The following SAMD12 variants were observed in gnomAD, a reference collection of about 807,000 sequenced individuals.
SAMD12 encodes sterile alpha motif domain-containing protein 12.
A neutral mutation model predicts 15.0 loss-of-function variants in SAMD12; 9 were observed. That is an observed-to-expected ratio of 0.60 (90% CI 0.36 to 1.05). The LOEUF is 1.05. Ranked by LOEUF, SAMD12 falls within the 50% of genes least tolerant of loss-of-function variation. SAMD12 has a pLI of 0.01. For synonymous variants in SAMD12, 86 were observed against 90.1 expected (o/e 0.96, Z 0.25); for missense variants, 230 against 234.2 (o/e 0.98, Z 0.12).
chr8:118,298,767 T>C (rs184446790), intron 4 of SAMD12, among the ~76,000 whole-genome samples: 1 of 152,266 alleles, frequency 6.6e-6, no homozygotes, highest in Admixed American at 6.5e-5. Context: ...AGCATAAATG[T>C]ACAATAGAGT....
chr8:118,602,749 CCCCA>C (rs1381122425), intron 1 of SAMD12, among the ~76,000 whole-genome samples: 4 of 152,148 alleles, frequency 2.6e-5, no homozygotes, highest in Non-Finnish European at 5.9e-5. Context: ...GATCAACAAG[CCCCA>C]TTCATACCTA....
chr8:118,311,600 C>T (rs7827637), intron 4 of SAMD12, among the ~76,000 whole-genome samples: 47,002 of 152,100 alleles, frequency 0.31, 8,137 homozygotes, highest in African/African-American at 0.47. Context: ...GAAAACAAGA[C>T]ATAAATTCTG....
At chr8:118,204,884 G>A (rs17507334) in intron 4 of SAMD12, among the ~76,000 whole-genome samples, 1 of 152,180 alleles carries the variant, frequency 6.6e-6, no homozygotes, top group East Asian at 1.9e-4. Context: ...TCCCATTATC[G>A]TTAGTAAACT....
intron 2 of SAMD12, among the ~76,000 whole-genome samples, chr8:118,495,704 T>C (rs1292704016): frequency 6.6e-6 from 1 of 152,160 alleles, no homozygotes; most frequent in Admixed American, 6.5e-5. Context: ...TGGATAATAA[T>C]AGCACTTACC....
At chr8:118,211,104 G>A (rs17451984) in intron 4 of SAMD12, among the ~76,000 whole-genome samples, 1 of 152,080 alleles carries the variant, frequency 6.6e-6, no homozygotes, top group Non-Finnish European at 1.5e-5. Context: ...GCAGAAGGGA[G>A]GGGGAGGAGC....
chr8:118,556,422 A>G (rs146931995), intron 2 of SAMD12, among the ~76,000 whole-genome samples: 58 of 152,306 alleles, frequency 3.8e-4, no homozygotes, highest in African/African-American at 7.0e-4. Context: ...CCTTTTGTAT[A>G]TATCACTTAT....
intron 1 of SAMD12, among the ~76,000 whole-genome samples, chr8:118,582,953 C>A (rs1420594164): frequency 1.3e-5 from 2 of 151,572 alleles, no homozygotes; most frequent in African/African-American, 2.4e-5. Context: ...CCGACTTTAT[C>A]CTGAACCTGG....
intron 2 of SAMD12, among the ~76,000 whole-genome samples, chr8:118,570,278 G>A (rs1041636628): frequency 2.0e-5 from 3 of 152,066 alleles, no homozygotes; most frequent in African/African-American, 7.2e-5. Context: ...TGTGTCAGGG[G>A]GCTTATTGTA....
Position 118,378,384 on chromosome 8 carries a change from T to A in SAMD12, c.*1033A>T. 1 of 959,302 alleles carries A rather than the reference T, an allele frequency of 1.0e-6. No individual in the cohort carries two copies. The highest frequency in any genetic ancestry group is 5.4e-4 in the Middle Eastern group (1 of 1,858). The allele number at this position is 959,302 out of a possible 1,614,324, so 59.4% of individuals were successfully genotyped here. ...AGCCTATCAGTATTTCACATTCAAATTTAAATCACTTAGTATACCAGTAAA... is the reference window on the plus strand; with the variant it reads ...AGCCTATCAGTATTTCACATTCAAAATTAAATCACTTAGTATACCAGTAAA... On this transcript the variant is annotated 3_prime_UTR_variant, in exon 4 of 4. Coordinates refer to ENST00000314727, the MANE Select transcript of SAMD12 (RefSeq NM_207506.3).
At chr8:118,138,688 A>C in the SAMD12 span, among the ~76,000 whole-genome samples, 6,226 of 152,310 alleles carry the variant, frequency 0.041, 411 homozygotes, top group African/African-American at 0.14. Context: ...AATAGGGTTT[A>C]AAATAGAAAA....
chr8:118,360,929 C>A (rs981009937), intron 4 of SAMD12, among the ~76,000 whole-genome samples: 6 of 152,100 alleles, frequency 3.9e-5, no homozygotes, highest in Non-Finnish European at 7.4e-5. Flanking sequence ...CAAAATGAAA[C>A]CTGATCATGT....
intron 4 of SAMD12, among the ~76,000 whole-genome samples, chr8:118,249,058 T>G (rs1281952871): frequency 6.6e-6 from 1 of 152,170 alleles, no homozygotes; most frequent in African/African-American, 2.4e-5. Flanking sequence ...GCATATAACC[T>G]ACTCACATCC....
chr8:118,348,566 G>T (rs928126666), intron 4 of SAMD12, among the ~76,000 whole-genome samples: 1 of 151,966 alleles, frequency 6.6e-6, no homozygotes, highest in African/African-American at 2.4e-5. Context: ...TAGAGACGGG[G>T]TTTCACCGTG....
chr8:118,349,431 C>T (rs1001010938), intron 4 of SAMD12, among the ~76,000 whole-genome samples: 1 of 152,198 alleles, frequency 6.6e-6, no homozygotes, highest in Non-Finnish European at 1.5e-5. Flanking sequence ...GAATACAGAA[C>T]TTTGAAAGGG....
intron 3 of SAMD12, 129 bp from the exon 4 acceptor site, chr8:118,379,829 G>A: frequency 1.7e-6 from 2 of 1,170,834 alleles, no homozygotes; most frequent in Non-Finnish European, 2.3e-6. Context: ...TAGAATAAAG[G>A]TCTTCCATTA....
the SAMD12 span, among the ~76,000 whole-genome samples, chr8:118,176,865 A>G: frequency 6.6e-6 from 1 of 152,180 alleles, no homozygotes; most frequent in Non-Finnish European, 1.5e-5. Flanking sequence ...ATGAAATTCC[A>G]ATTTTCCTCA....
chr8:118,246,160 G>A (rs1812685385), intron 4 of SAMD12, among the ~76,000 whole-genome samples: 1 of 152,112 alleles, frequency 6.6e-6, no homozygotes, highest in Non-Finnish European at 1.5e-5. Context: ...ACCATTAGGA[G>A]CCTAGTCTAA....
chr8:118,325,679 C>A (rs751308359), intron 4 of SAMD12, among the ~76,000 whole-genome samples: 2 of 152,170 alleles, frequency 1.3e-5, no homozygotes, highest in Non-Finnish European at 2.9e-5. Context: ...CAGATCTTAT[C>A]ATGACTGAAA....
chr8:118,366,876 TAAAATAATAAAATAA>T lies in SAMD12; in HGVS notation c.433+12669_433+12683del, dbSNP rs1439640759. ...TAAAATAAAATAAAATAAAATAAAA[TAAAATAATAAAATAA>T]AATAAAATAAAATAAAATAAAATAA... On this transcript the variant is annotated intron_variant, in intron 4 of 4. Coordinates refer to the SAMD12 transcript ENST00000409003. Among the ~76,000 whole-genome samples, 60 of 114,656 alleles carry T rather than the reference TAAAATAATAAAATAA, an allele frequency of 5.2e-4. 1 individual carries two copies. The highest frequency in any genetic ancestry group is 1.2e-3 in the African/African-American group (34 of 27,842). The allele number at this position is 114,656 out of a possible 152,430, so 75.2% of individuals were successfully genotyped here.
Sources: gnomAD v4.1 joint callset for allele counts (sites outside exome capture counted in the v4.1 genomes callset) on GRCh38, gnomAD v4.1.1 for gene constraint, MANE v1.5 for transcripts, NCBI Gene and HGNC (gene_info 2026-07-23, HGNC 2026-07-21) for gene names.